The following ADGRL2 variants were observed in gnomAD, a reference collection of about 807,000 sequenced individuals.
ADGRL2 encodes calcium-independent alpha-latrotoxin receptor 2.
A neutral mutation model predicts 157.4 loss-of-function variants in ADGRL2; 44 were observed. The observed-to-expected ratio is 0.28, with a 90% confidence interval of 0.22 to 0.36. The LOEUF (loss-of-function observed/expected upper bound fraction) is 0.36, where lower values mean the gene tolerates loss of function less well. ADGRL2 is among the 10% of genes least tolerant of loss of function. The pLI is 1.00. For missense variants in ADGRL2, 1,510 were observed against 1,768.9 expected (o/e 0.85, Z 2.63); for synonymous variants, 585 against 624.7 (o/e 0.94, Z 0.95).
intron 3 of ADGRL2, among the ~76,000 whole-genome samples, chr1:81,687,155 T>C (rs1274160660): frequency 3.3e-5 from 5 of 152,182 alleles, no homozygotes; most frequent in Non-Finnish European, 1.5e-5. Flanking sequence ...TTAAGTCCAT[T>C]TGTTCCAAGG....
chr1:81,412,905 A>G (rs1266175550), intron 1 of ADGRL2, among the ~76,000 whole-genome samples: 1 of 151,722 alleles, frequency 6.6e-6, no homozygotes, highest in African/African-American at 2.4e-5. Flanking sequence ...AAATTCAGTC[A>G]TTTTTCTACC....
chr1:81,580,398 C>CTGGT (rs1327263590), intron 2 of ADGRL2, among the ~76,000 whole-genome samples: 2 of 152,024 alleles, frequency 1.3e-5, no homozygotes, highest in Admixed American at 6.6e-5. Context: ...TGATGCTGAA[C>CTGGT]TGGTGTTAAG....
chr1:81,358,462 A>G (rs2100891294), intron 1 of ADGRL2, among the ~76,000 whole-genome samples: 1 of 152,294 alleles, frequency 6.6e-6, no homozygotes, highest in Middle Eastern at 3.4e-3. Context: ...GCTGTATTAA[A>G]TTCAGTCTGA....
intron 1 of ADGRL2, among the ~76,000 whole-genome samples, chr1:81,403,663 G>C (rs902319562): frequency 6.6e-6 from 1 of 152,004 alleles, no homozygotes; most frequent in Non-Finnish European, 1.5e-5. Context: ...TGGAAAAATG[G>C]GTTTAAAATT....
chr1:81,541,796 A>C (rs903814624), intron 2 of ADGRL2, among the ~76,000 whole-genome samples: 6 of 151,498 alleles, frequency 4.0e-5, no homozygotes, highest in African/African-American at 1.5e-4. Context: ...CTAAAAAAAA[A>C]AAAAAAACAA....
chr1:81,956,208 C>T, intron 11 of ADGRL2, 148 bp downstream of exon 11: 1 of 581,906 alleles, frequency 1.7e-6, no homozygotes, highest in Non-Finnish European at 2.7e-6. Flanking sequence ...AAATTATTGA[C>T]CACACTTACT....
At chr1:81,598,679 G>T (rs2081283033) in intron 3 of ADGRL2, among the ~76,000 whole-genome samples, 1 of 152,174 alleles carries the variant, frequency 6.6e-6, no homozygotes, top group Non-Finnish European at 1.5e-5. Flanking sequence ...CACACAAGTG[G>T]TCAGGGAAAC....
At chr1:81,905,257 C>A (rs1292482437) in intron 2 of ADGRL2, among the ~76,000 whole-genome samples, 1 of 151,972 alleles carries the variant, frequency 6.6e-6, no homozygotes, top group Non-Finnish European at 1.5e-5. Flanking sequence ...GCCACCACAC[C>A]CGGCTAGTTT....
intron 1 of ADGRL2, among the ~76,000 whole-genome samples, chr1:81,713,525 A>G (rs566111643): frequency 4.6e-5 from 7 of 152,324 alleles, no homozygotes; most frequent in African/African-American, 1.4e-4. Flanking sequence ...GATGAAAATG[A>G]TATTTTTTGA....
chr1:81,429,494 T>G (rs1294017492), intron 1 of ADGRL2, among the ~76,000 whole-genome samples: 1 of 152,208 alleles, frequency 6.6e-6, no homozygotes, highest in Non-Finnish European at 1.5e-5. Context: ...CAGGCACGAT[T>G]CAGCCCACTA....
chr1:81,411,185 G>C (rs937840415), intron 1 of ADGRL2, among the ~76,000 whole-genome samples: 1 of 152,186 alleles, frequency 6.6e-6, no homozygotes, highest in Non-Finnish European at 1.5e-5. Context: ...CAAAGGCAGC[G>C]TATGAAAGTC....
chr1:81,377,547 C>G (rs899099021), intron 1 of ADGRL2, among the ~76,000 whole-genome samples: 2 of 152,018 alleles, frequency 1.3e-5, no homozygotes, highest in African/African-American at 4.8e-5. Flanking sequence ...CCAGCAGCAA[C>G]GTAGAGTTAA....
intron 2 of ADGRL2, among the ~76,000 whole-genome samples, chr1:81,525,680 C>T (rs919894895): frequency 3.9e-5 from 6 of 152,236 alleles, no homozygotes; most frequent in South Asian, 2.1e-4. Flanking sequence ...TCAGTGGTAT[C>T]GTGTTGTTAG....
At chr1:81,390,528 G>C (rs190420041) in intron 1 of ADGRL2, among the ~76,000 whole-genome samples, 2 of 151,414 alleles carry the variant, frequency 1.3e-5, no homozygotes, top group Non-Finnish European at 3.0e-5. Flanking sequence ...TGACAGGAAA[G>C]CTCAAATAGC....
At chr1:81,503,421 A>G (rs1224550517) in intron 2 of ADGRL2, 23 of 1,612,928 alleles carry the variant, frequency 1.4e-5, no homozygotes, top group Non-Finnish European at 1.8e-5. Context: ...GTCCTACCTC[A>G]TCCCGGGGCA....
intron 1 of ADGRL2, among the ~76,000 whole-genome samples, chr1:81,364,736 G>T (rs1221551827): frequency 6.7e-6 from 1 of 149,802 alleles, no homozygotes; most frequent in Non-Finnish European, 1.5e-5. Context: ...GTCTTGCTCT[G>T]TCGCCCAGGC....
chr1:81,641,955 A>G (rs1376427887), intron 3 of ADGRL2, among the ~76,000 whole-genome samples: 1 of 152,082 alleles, frequency 6.6e-6, no homozygotes, highest in Non-Finnish European at 1.5e-5. Flanking sequence ...TAGGGAAATA[A>G]AGAGAGAAGA....
At chr1:81,953,861 A>G (rs1652613863) in intron 10 of ADGRL2, among the ~76,000 whole-genome samples, 1 of 152,200 alleles carries the variant, frequency 6.6e-6, no homozygotes, top group Non-Finnish European at 1.5e-5. Flanking sequence ...TATTGTGACA[A>G]GAAAACAAAA....
At chr1:81,495,684 A>G (rs893412309) in intron 2 of ADGRL2, among the ~76,000 whole-genome samples, 5 of 152,196 alleles carry the variant, frequency 3.3e-5, no homozygotes, top group African/African-American at 7.2e-5. Context: ...TGCACAAACA[A>G]TTTTAAAAGG....
Sources: gnomAD v4.1 joint callset for allele counts (sites outside exome capture counted in the v4.1 genomes callset) on GRCh38, gnomAD v4.1.1 for gene constraint, MANE v1.5 for transcripts, NCBI Gene and HGNC (gene_info 2026-07-23, HGNC 2026-07-21) for gene names.